Variants in PCDH15 observed in about 807,000 individuals in gnomAD.
The protein encoded by PCDH15 is protocadherin-15.
In PCDH15, 129 loss-of-function variants were observed where a neutral mutation model predicts 178.5. The observed-to-expected ratio is 0.72, with a 90% CI of 0.63 to 0.84. The LOEUF is 0.84. Ranked by LOEUF, PCDH15 falls within the 40% of genes least tolerant of loss-of-function variation. The pLI is 0.00. For synonymous variants in PCDH15, 800 were observed against 732.0 expected (o/e 1.09, Z -1.50); for missense variants, 2,230 against 2,099.9 (o/e 1.06, Z -1.21).
At chr10:54,389,941 TTAAAA>T (rs759190071) in intron 3 of PCDH15, among the ~76,000 whole-genome samples, 1 of 152,116 alleles carries the variant, frequency 6.6e-6, no homozygotes, top group Non-Finnish European at 1.5e-5. Context: ...AGACTCCGTC[TTAAAA>T]TAAAATAAAA....
chr10:54,010,358 A>G (rs1191839715), intron 20 of PCDH15, among the ~76,000 whole-genome samples: 1 of 152,090 alleles, frequency 6.6e-6, no homozygotes, highest in African/African-American at 2.4e-5. Flanking sequence ...TTGGGCCAGT[A>G]GCAGCTCTGT....
At chr10:54,887,194 A>G (rs181559783) in intron 3 of PCDH15, among the ~76,000 whole-genome samples, 309 of 152,290 alleles carry the variant, frequency 2.0e-3, no homozygotes, top group African/African-American at 6.9e-3. Context: ...TGAAACATCT[A>G]AAATTGATAA....
At chr10:54,070,300 T>C (rs1444140685) in intron 17 of PCDH15, among the ~76,000 whole-genome samples, 2 of 152,130 alleles carry the variant, frequency 1.3e-5, no homozygotes, top group Non-Finnish European at 2.9e-5. Flanking sequence ...GCCTCCCAGG[T>C]TTAAACAATT....
At chr10:55,046,082 CTA>C (rs1840996307) in intron 2 of PCDH15, among the ~76,000 whole-genome samples, 1 of 152,024 alleles carries the variant, frequency 6.6e-6, no homozygotes, top group South Asian at 2.1e-4. Context: ...TCTCTATGTA[CTA>C]TGTACTAAGC....
At chr10:54,960,845 T>A (rs1838627186) in intron 2 of PCDH15, among the ~76,000 whole-genome samples, 1 of 152,182 alleles carries the variant, frequency 6.6e-6, no homozygotes, top group Non-Finnish European at 1.5e-5. Context: ...GTAATATATC[T>A]ACAAGTGTAC....
chr10:54,796,222 TTATCTATCTATCTATCTATCTATC>T (rs59479208), intron 1 of PCDH15, among the ~76,000 whole-genome samples: 5 of 125,248 alleles, frequency 4.0e-5, no homozygotes, highest in Non-Finnish European at 8.6e-5. Flanking sequence ...TCTTTCTACA[TTATCTATCTATCTATCTATCTATC>T]TATCTATCTA....
intron 26 of PCDH15, among the ~76,000 whole-genome samples, chr10:53,874,956 G>T (rs1245226506): frequency 6.6e-6 from 1 of 151,936 alleles, no homozygotes. Context: ...CAGGTTAAGC[G>T]CAGCTGACCA....
chr10:53,829,762 A>C (rs2076909122), intron 30 of PCDH15, among the ~76,000 whole-genome samples: 1 of 152,080 alleles, frequency 6.6e-6, no homozygotes, highest in Admixed American at 6.5e-5. Flanking sequence ...ATATTAAAGG[A>C]ATGGAGTCAT....
At chr10:54,501,025 G>C (rs972353382) in intron 3 of PCDH15, among the ~76,000 whole-genome samples, 2 of 152,024 alleles carry the variant, frequency 1.3e-5, no homozygotes, top group Non-Finnish European at 2.9e-5. Context: ...ACTCATAAGT[G>C]GGAGCTGAAC....
intron 2 of PCDH15, among the ~76,000 whole-genome samples, chr10:54,976,824 A>T (rs951624989): frequency 7.2e-5 from 11 of 152,060 alleles, no homozygotes; most frequent in African/African-American, 2.7e-4. Flanking sequence ...GCCCCCATAT[A>T]AGGAGGGGAT....
chr10:54,717,939 T>G (rs1288542580), intron 1 of PCDH15, among the ~76,000 whole-genome samples: 4 of 145,778 alleles, frequency 2.7e-5, no homozygotes, highest in African/African-American at 5.2e-5. Context: ...CCATAAAAAA[T>G]GATGAGTTCA....
At chr10:55,455,360 A>G (rs1157224069) in intron 2 of PCDH15, among the ~76,000 whole-genome samples, 1 of 152,166 alleles carries the variant, frequency 6.6e-6, no homozygotes, top group African/African-American at 2.4e-5. Context: ...GTGTGTTCAC[A>G]CTATATTTAT....
chr10:54,909,158 G>A (rs1954776717), intron 2 of PCDH15, among the ~76,000 whole-genome samples: 1 of 152,164 alleles, frequency 6.6e-6, no homozygotes, highest in African/African-American at 2.4e-5. Context: ...TGTCATGGGT[G>A]GGCCCAGAAA....
At chr10:55,020,224 T>C (rs1357276626) in intron 2 of PCDH15, among the ~76,000 whole-genome samples, 1 of 151,500 alleles carries the variant, frequency 6.6e-6, no homozygotes, top group Admixed American at 6.6e-5. Flanking sequence ...GCACTTACTG[T>C]GCAAATACTC....
intron 3 of PCDH15, among the ~76,000 whole-genome samples, chr10:54,882,212 A>G (rs11814772): frequency 0.23 from 34,241 of 151,998 alleles, 4,547 homozygotes; most frequent in Non-Finnish European, 0.31. Context: ...AGAATATCAC[A>G]TTTCCAGTGT....
intron 1 of PCDH15, among the ~76,000 whole-genome samples, chr10:55,237,306 T>A (rs563611699): frequency 8.2e-4 from 125 of 152,260 alleles, no homozygotes; most frequent in African/African-American, 2.9e-3. Flanking sequence ...TAAAGACAGG[T>A]TATGAGCTAA....
chr10:53,900,670 T>G (rs1171013441), intron 26 of PCDH15, among the ~76,000 whole-genome samples: 1 of 152,148 alleles, frequency 6.6e-6, no homozygotes, highest in African/African-American at 2.4e-5. Context: ...TCTTTCTCCC[T>G]CTAACCATCC....
chr10:54,670,144 A>G (rs2094636793), intron 1 of PCDH15, among the ~76,000 whole-genome samples: 1 of 152,174 alleles, frequency 6.6e-6, no homozygotes, highest in Non-Finnish European at 1.5e-5. Flanking sequence ...ATAAAATAAA[A>G]TTGATGAAAA....
At chr10:53,940,195 C>G (rs1164728931) in intron 24 of PCDH15, among the ~76,000 whole-genome samples, 1 of 151,942 alleles carries the variant, frequency 6.6e-6, no homozygotes, top group Non-Finnish European at 1.5e-5. Context: ...ATCTAACATA[C>G]CAAAAGGGAA....
Sources: allele counts gnomAD v4.1 joint callset (sites outside exome capture counted in the v4.1 genomes callset), GRCh38; gene constraint gnomAD v4.1.1; transcripts MANE v1.5; gene names NCBI Gene and HGNC (gene_info 2026-07-23, HGNC 2026-07-21).